CHST12: variants seen among roughly 807,000 people sequenced by gnomAD.
The protein encoded by CHST12 is carbohydrate sulfotransferase 12.
In CHST12, 23 loss-of-function variants were observed where a neutral mutation model predicts 27.9. The ratio of observed to expected loss-of-function variants is 0.82; its 90% CI spans 0.59 to 1.17. CHST12 has a LOEUF of 1.17. Ranked by LOEUF, CHST12 falls within the 50% of genes most tolerant of loss-of-function variation. The probability of loss-of-function intolerance (pLI) is 0.00; values close to 1 mark genes in which losing one functional copy is unlikely to be tolerated. For missense variants in CHST12, 682 were observed against 603.0 expected (o/e 1.13, Z -1.37); for synonymous variants, 322 against 273.0 (o/e 1.18, Z -1.77).
chr7:2,430,034 C>T (rs867699291), intron 1 of CHST12, among the ~76,000 whole-genome samples: 4 of 152,130 alleles, frequency 2.6e-5, no homozygotes, highest in Non-Finnish European at 4.4e-5. Context: ...CCTCTCGCCT[C>T]GGCTTCCCAA....
Position 2,425,304 on chromosome 7 carries a change from G to A in CHST12, c.-77-7259G>A, listed in dbSNP as rs79619028. ...TCAGCATGTCGGTCAAGACAGGTGT[G>A]GACACAACCACAGTGCAGACAAGGG... On this transcript the variant is annotated intron_variant, in intron 1 of 1. Transcript: ENST00000618655. Among the ~76,000 whole-genome samples, 570 of 152,082 alleles carry A rather than the reference G, an allele frequency of 3.7e-3. 1 individual carries two copies. The highest frequency in any genetic ancestry group is 0.013 in the African/African-American group (533 of 41,488).
At chr7:2,412,999 CAG>C (rs769179161) in intron 1 of CHST12, among the ~76,000 whole-genome samples, 10 of 151,476 alleles carry the variant, frequency 6.6e-5, no homozygotes, top group Middle Eastern at 3.4e-3. Flanking sequence ...CTGATGAAGA[CAG>C]AGAGATAAGT....
chr7:2,433,830 G>A lies in CHST12; in HGVS notation c.1191G>A (p.Glu397=), dbSNP rs932319243. 1 of 1,611,738 alleles carries A rather than the reference G, an allele frequency of 6.2e-7. No individual in the cohort carries two copies. The highest frequency in any genetic ancestry group is 1.7e-5 in the Admixed American group (1 of 59,722). The change falls in exon 2 of 2, where the codon GAG becomes GAA. Residue 397 remains glutamate, a synonymous_variant. Coordinates refer to ENST00000618655, the MANE Select transcript of CHST12 (RefSeq NM_018641.5). This position sits in a 1 kb window ranked among gnomAD's most constrained non-coding sequence, Gnocchi z 6.1. ...AWRQQLYKLY[E]ADFVLFGYPK... ...GGCAGCAGCTGTATAAACTCTACGA[G>A]GCCGACTTTGTTCTCTTCGGCTACC...
At position 2,426,488 on chromosome 7, in the gene CHST12, C is replaced by T. The variant is rs1448617837; in HGVS notation, c.-77-6075C>T. 2.6e-5 allele frequency among the ~76,000 whole-genome samples: 4 copies of T among 152,088 alleles called. No individual in the cohort carries two copies. The South Asian group carries it at 6.2e-4, about 24-fold the overall frequency. ...GTGCATAGTCTGGGATTTGACCCAA[C>T]TGGGAAAGACTTCGCTGAGCTGGGG... On this transcript the variant is annotated intron_variant, in intron 1 of 1. Coordinates refer to ENST00000618655, the MANE Select transcript of CHST12 (RefSeq NM_018641.5).
rs869123293 is a variant in CHST12, at chr7:2,434,579, TAAAAAAAAAAAAAA to T, written c.*719_*732del. On this transcript the variant is annotated 3_prime_UTR_variant, in exon 2 of 2. Coordinates refer to ENST00000618655, the MANE Select transcript of CHST12 (RefSeq NM_018641.5). ...CAACATGGTGAAACCCTGTCTCTAC[TAAAAAAAAAAAAAA>T]AAAAAAAAAAAAAAAAAAAAAAATG... 7.7e-3 allele frequency: 162 copies of T among 20,986 alleles called. 3 individuals carry two copies. Among genetic ancestry groups the T allele is most frequent in the South Asian group, 0.026 (10 of 384 alleles). 1.3% of individuals were successfully genotyped at this position (20,986 alleles called of 1,614,324 possible). A position where few individuals can be genotyped will look rare whatever the true frequency, so the allele number is the denominator to read the frequency against.
chr7:2,432,065 C>CT (rs1420888281), intron 1 of CHST12, among the ~76,000 whole-genome samples: 3 of 138,150 alleles, frequency 2.2e-5, no homozygotes, highest in African/African-American at 8.0e-5. Flanking sequence ...TGGCGTGAAC[C>CT]TGGGAGGTGC....
Position 2,438,674 on chromosome 7 carries a change from GTGT to G in CHST12, c.*4793_*4795del, listed in dbSNP as rs1782531848. ...AAAAGTCTTTAAACGTTTCTCCCGA[GTGT>G]TGGAGTGACTGTTTGCACACATCTG... On this transcript the variant is annotated 3_prime_UTR_variant, in exon 2 of 2. Transcript: ENST00000618655. The G allele has an allele frequency of 6.6e-6, 1 of 152,250 alleles. No homozygotes were observed. Among genetic ancestry groups the G allele is most frequent in the Non-Finnish European group, 1.5e-5 (1 of 68,062 alleles). The allele number at this position is 152,250 out of a possible 1,614,324, so 9.4% of individuals were successfully genotyped here. A position where few individuals can be genotyped will look rare whatever the true frequency, so the allele number is the denominator to read the frequency against.
rs1347569233 is a variant in CHST12, at chr7:2,437,209, T to C, written c.*3325T>C. The C allele has an allele frequency of 6.6e-6, 1 of 152,256 alleles. No individual in the cohort carries two copies. The highest frequency in any genetic ancestry group is 1.5e-5 in the Non-Finnish European group (1 of 68,048). 9.4% of individuals were successfully genotyped at this position (152,256 alleles called of 1,614,324 possible). ...TGTGTCCACACTTTGAGCACAGTCATGAGAATGACTTGGTTGGGTGCGGGG... is the reference window on the plus strand; with the variant it reads ...TGTGTCCACACTTTGAGCACAGTCACGAGAATGACTTGGTTGGGTGCGGGG... On this transcript the variant is annotated 3_prime_UTR_variant, in exon 2 of 2. Coordinates refer to ENST00000618655, the MANE Select transcript of CHST12 (RefSeq NM_018641.5).
Position 2,433,479 on chromosome 7 carries a change from C to G in CHST12, c.840C>G (p.Asn280Lys), listed in dbSNP as rs1236698593. The G allele has an allele frequency of 1.9e-6, 3 of 1,611,340 alleles. No individual in the cohort carries two copies. The highest frequency in any genetic ancestry group is 1.3e-5 in the African/African-American group (1 of 74,928). The change falls in exon 2 of 2, where the codon AAC (asparagine) becomes AAG (lysine). Residue 280 changes from asparagine to lysine, a missense_variant. Transcript: ENST00000618655. This position sits in a 1 kb window ranked among gnomAD's most constrained non-coding sequence, Gnocchi z 6.1. ...TGCCCATGCTGCGGCTGTACGCCAA[C>G]CACACCAGCCTGCCCGCCTCGGCGC... ...FAVPMLRLYANHTSLPASARE... is the reference protein window; with the variant it reads ...FAVPMLRLYAKHTSLPASARE...
intron 1 of CHST12, among the ~76,000 whole-genome samples, chr7:2,429,810 G>T (rs1157877308): frequency 6.6e-6 from 1 of 151,912 alleles, no homozygotes; most frequent in Non-Finnish European, 1.5e-5. Flanking sequence ...ACAGGGTCTT[G>T]GTCTTGCTAA....
rs1001545594 is a variant in CHST12 at position 2,441,755 on chromosome 7, A to G, written c.*7871A>G. ...ATTAGAAGGCCATCCTGTTTAGAAG[A>G]GTGGGTTTCTCATAAGAAAAAAAAG... On this transcript the variant is annotated 3_prime_UTR_variant, in exon 2 of 2. Coordinates refer to ENST00000618655, the MANE Select transcript of CHST12 (RefSeq NM_018641.5). The G allele has an allele frequency of 2.0e-5, 3 of 151,316 alleles. No individual in the cohort carries two copies. The highest frequency in any genetic ancestry group is 6.6e-5 in the Admixed American group (1 of 15,160). The allele number at this position is 151,316 out of a possible 1,614,324, so 9.4% of individuals were successfully genotyped here.
At chr7:2,413,525 G>A (rs1162811681) in intron 1 of CHST12, among the ~76,000 whole-genome samples, 3 of 151,992 alleles carry the variant, frequency 2.0e-5, no homozygotes, top group Non-Finnish European at 2.9e-5. Context: ...GAGTTTCTGC[G>A]TGCTCCTCTG....
At chr7:2,429,210 A>T (rs1254577421) in intron 1 of CHST12, among the ~76,000 whole-genome samples, 2 of 152,212 alleles carry the variant, frequency 1.3e-5, no homozygotes, top group Non-Finnish European at 2.9e-5. Flanking sequence ...AGTAATCAGG[A>T]GCATTTCATC....
In CHST12 at chr7:2,441,879, A is replaced by G. The variant is rs1782614436; in HGVS notation, c.*7995A>G. On this transcript the variant is annotated 3_prime_UTR_variant, in exon 2 of 2. Transcript: ENST00000618655. ...TTCAGTTCTTTTAAAAGTTGTGGTA[A>G]GATACATGCAACATAAAATGTGCCC... The G allele has an allele frequency of 6.6e-6, 1 of 152,098 alleles. No individual in the cohort carries two copies. The highest frequency in any genetic ancestry group is 1.5e-5 in the Non-Finnish European group (1 of 68,028). 9.4% of individuals were successfully genotyped at this position (152,098 alleles called of 1,614,324 possible). A position where few individuals can be genotyped will look rare whatever the true frequency, so the allele number is the denominator to read the frequency against.
chr7:2,404,249 C>T (rs906641385), intron 1 of CHST12: 7 of 152,490 alleles, frequency 4.6e-5, no homozygotes, highest in African/African-American at 1.4e-4. Flanking sequence ...CTCCAGAAGC[C>T]GCAGCCCTGC....
At chr7:2,412,761 G>C (rs1000632985) in intron 1 of CHST12, among the ~76,000 whole-genome samples, 2 of 152,216 alleles carry the variant, frequency 1.3e-5, no homozygotes, top group East Asian at 1.9e-4. Flanking sequence ...GTGCAAGTCT[G>C]TAGCTACTTT....
At chr7:2,415,830 G>A (rs1298700959) in intron 1 of CHST12, among the ~76,000 whole-genome samples, 1 of 151,990 alleles carries the variant, frequency 6.6e-6, no homozygotes, top group Non-Finnish European at 1.5e-5. Flanking sequence ...TAGCCAGGAT[G>A]GTCTCGATCT....
chr7:2,407,462 A>G (rs1485131871), intron 1 of CHST12, among the ~76,000 whole-genome samples: 1 of 152,122 alleles, frequency 6.6e-6, no homozygotes, highest in African/African-American at 2.4e-5. Context: ...AAATAAAATA[A>G]AATACATTTT....
In CHST12 at chr7:2,432,838, G is replaced by A. The variant is rs1562519990; in HGVS notation, c.199G>A (p.Asp67Asn). The part of the protein sequence containing the change: ...DRELTADSDV[D>N]EFLDKFLSAG... ...GGAGCTCACGGCCGACTCCGATGTC[G>A]ACGAGTTTCTGGACAAGTTTCTCAG... Residue 67 changes from aspartate to asparagine, a missense_variant, in exon 2 of 2, where the codon GAC becomes AAC. Physicochemically the swap from Asp to Asn is conservative, Grantham distance 23. Transcript: ENST00000618655. 6.2e-7 allele frequency: 1 copy of A among 1,613,860 alleles called. No individual in the cohort carries two copies. The highest frequency in any genetic ancestry group is 8.5e-7 in the Non-Finnish European group (1 of 1,179,902).
Sources: gnomAD v4.1 joint callset for allele counts (sites outside exome capture counted in the v4.1 genomes callset) on GRCh38, gnomAD v4.1.1 for gene constraint, Gnocchi (gnomAD v3.1) non-coding constraint, MANE v1.5 for transcripts, NCBI Gene and HGNC (gene_info 2026-07-23, HGNC 2026-07-21) for gene names.